ARID5B: variants seen among roughly 807,000 people sequenced by gnomAD.
ARID5B encodes the protein AT-rich interactive domain-containing protein 5B.
In ARID5B, 13 loss-of-function variants were observed where a neutral mutation model predicts 97.2. That is an observed-to-expected ratio of 0.13 (90% CI 0.09 to 0.21). The LOEUF (loss-of-function observed/expected upper bound fraction) is 0.21. Ranked by LOEUF, ARID5B falls within the 10% of genes least tolerant of loss-of-function variation. The pLI is 1.00. For synonymous variants in ARID5B, 556 were observed against 570.3 expected (o/e 0.97, Z 0.36); for missense variants, 1,210 against 1,465.3 (o/e 0.83, Z 2.84).
chr10:62,016,525 A>G (rs772389562), intron 4 of ARID5B, among the ~76,000 whole-genome samples: 17 of 152,356 alleles, frequency 1.1e-4, no homozygotes, highest in Admixed American at 7.2e-4. Context: ...TACTTTTCAA[A>G]GTGATGTTTG....
chr10:62,043,268 C>T (rs1371605739), intron 4 of ARID5B, among the ~76,000 whole-genome samples: 1 of 152,198 alleles, frequency 6.6e-6, no homozygotes, highest in African/African-American at 2.4e-5. Context: ...TGTCTCCTCA[C>T]TCCTAGATTC....
intron 2 of ARID5B, among the ~76,000 whole-genome samples, chr10:61,936,770 C>A (rs1844308343): frequency 6.8e-6 from 1 of 147,582 alleles, no homozygotes; most frequent in Admixed American, 6.9e-5. Flanking sequence ...TGTATCAACC[C>A]ATTGAGTCCT....
intron 2 of ARID5B, among the ~76,000 whole-genome samples, chr10:61,916,244 A>G (rs61852287): frequency 0.067 from 10,134 of 151,970 alleles, 734 homozygotes; most frequent in African/African-American, 0.18. Context: ...TTTAGTAGAG[A>G]TGGGGTTTTG....
Position 61,989,049 on chromosome 10 carries a change from C to A in ARID5B, c.503-11042C>A, listed in dbSNP as rs1029289200. On this transcript the variant is annotated intron_variant, in intron 3 of 9. Coordinates refer to ENST00000279873, the MANE Select transcript of ARID5B (RefSeq NM_032199.3). ...GGTTTAAGTGATTCTCCTGCCTCAG[C>A]CTCCCAAGTAGCTGGGACTACAGGC... 3.3e-5 allele frequency among the ~76,000 whole-genome samples: 5 copies of A among 150,798 alleles called. No individual in the cohort carries two copies. In the Admixed American group the frequency reaches 3.3e-4, roughly 10 times the overall value.
At chr10:62,013,794 G>GTATATATATATATATATATA (rs60930079) in intron 4 of ARID5B, among the ~76,000 whole-genome samples, 18 of 138,948 alleles carry the variant, frequency 1.3e-4, no homozygotes, top group African/African-American at 3.6e-4. Context: ...ATTCCATTGG[G>GTATATATATATATATATATA]TATATATATA....
chr10:62,043,693 C>A (rs900556962), intron 4 of ARID5B, among the ~76,000 whole-genome samples: 5 of 152,170 alleles, frequency 3.3e-5, no homozygotes, highest in Non-Finnish European at 7.3e-5. Flanking sequence ...GAAATGAAGA[C>A]CTCCAGGGCA....
chr10:61,907,918 C>A (rs2132754111), intron 2 of ARID5B, among the ~76,000 whole-genome samples: 1 of 152,322 alleles, frequency 6.6e-6, no homozygotes, highest in South Asian at 2.1e-4. Flanking sequence ...ACGTTGCTGA[C>A]CCCTGGCCTA....
At chr10:61,991,183 A>G (rs1443828111) in intron 3 of ARID5B, among the ~76,000 whole-genome samples, 2 of 152,046 alleles carry the variant, frequency 1.3e-5, no homozygotes, top group Non-Finnish European at 2.9e-5. Context: ...ACTGTTTTTG[A>G]GTCCTTGTTT....
chr10:62,085,092 C>A (rs1295263814), intron 8 of ARID5B, among the ~76,000 whole-genome samples: 2 of 152,220 alleles, frequency 1.3e-5, no homozygotes, highest in African/African-American at 4.8e-5. Flanking sequence ...TCACCTCTAA[C>A]AAATGGTATG....
intron 2 of ARID5B, among the ~76,000 whole-genome samples, chr10:61,907,061 C>T (rs1003304217): frequency 3.5e-4 from 53 of 152,268 alleles, no homozygotes; most frequent in African/African-American, 1.0e-3. Context: ...AAAGTTTTTC[C>T]GTGTGAGGGA....
intron 2 of ARID5B, among the ~76,000 whole-genome samples, chr10:61,921,994 A>C (rs567059131): frequency 3.6e-4 from 54 of 152,034 alleles, no homozygotes; most frequent in Non-Finnish European, 5.6e-4. Context: ...GGCGTGCACC[A>C]CTGTGCCCGG....
intron 7 of ARID5B, among the ~76,000 whole-genome samples, chr10:62,069,263 A>G (rs1214114300): frequency 6.6e-6 from 1 of 152,234 alleles, no homozygotes; most frequent in Non-Finnish European, 1.5e-5. Context: ...ACTCTTTTTT[A>G]CCTCTATACC....
At chr10:61,955,776 G>T (rs917053843) in intron 3 of ARID5B, among the ~76,000 whole-genome samples, 2 of 152,040 alleles carry the variant, frequency 1.3e-5, no homozygotes, top group African/African-American at 4.8e-5. Flanking sequence ...TCAGCCTCTT[G>T]AGTAGCTGGG....
chr10:61,973,232 G>T (rs1838653699), intron 3 of ARID5B, among the ~76,000 whole-genome samples: 1 of 152,184 alleles, frequency 6.6e-6, no homozygotes, highest in Non-Finnish European at 1.5e-5. Context: ...GGGGAAAAAG[G>T]GTGGTGACGT....
At chr10:61,960,682 G>C (rs1026072846) in intron 3 of ARID5B, among the ~76,000 whole-genome samples, 3 of 151,468 alleles carry the variant, frequency 2.0e-5, no homozygotes, top group African/African-American at 7.3e-5. Flanking sequence ...GATCTCATCT[G>C]CCATTTACTA....
intron 4 of ARID5B, among the ~76,000 whole-genome samples, chr10:62,036,413 G>A (rs963240849): frequency 1.3e-5 from 2 of 152,104 alleles, no homozygotes; most frequent in East Asian, 1.9e-4. Context: ...AGCAGGTGGC[G>A]GTTGTTGACG....
chr10:61,944,563 C>T (rs1589229216), intron 3 of ARID5B, among the ~76,000 whole-genome samples: 1 of 152,038 alleles, frequency 6.6e-6, no homozygotes, highest in African/African-American at 2.4e-5. Flanking sequence ...TACAGAGTTC[C>T]TTTAAGCGAA....
At chr10:61,925,435 C>A (rs1386309454) in intron 2 of ARID5B, among the ~76,000 whole-genome samples, 1 of 151,762 alleles carries the variant, frequency 6.6e-6, no homozygotes, top group Non-Finnish European at 1.5e-5. Flanking sequence ...ATTATGGCAA[C>A]CTGAAAGGAG....
At chr10:62,003,946 C>A (rs975202194) in intron 4 of ARID5B, among the ~76,000 whole-genome samples, 3 of 152,064 alleles carry the variant, frequency 2.0e-5, no homozygotes, top group African/African-American at 7.2e-5. Context: ...TAAATAAATT[C>A]TCTGTGGAAT....
Sources: gnomAD v4.1 joint callset for allele counts (sites outside exome capture counted in the v4.1 genomes callset) on GRCh38, gnomAD v4.1.1 for gene constraint, MANE v1.5 for transcripts, NCBI Gene and HGNC (gene_info 2026-07-23, HGNC 2026-07-21) for gene names.